Variants in UGT2A1 observed in about 807,000 individuals in gnomAD.
UGT2A1 encodes the protein UDP-glucuronosyltransferase 2A1.
UGT2A1 carries 61 observed loss-of-function variants against 45.4 expected under a neutral mutation model. That is an observed-to-expected ratio of 1.34 (90% CI 1.09 to 1.66). The LOEUF (loss-of-function observed/expected upper bound fraction) is 1.66, where lower values mean the gene tolerates loss of function less well. Among genes scored for constraint, UGT2A1 ranks in the 40% most tolerant of loss-of-function variants. The pLI, the probability that UGT2A1 is intolerant of heterozygous loss-of-function variation, is 0.00. For missense variants in UGT2A1, 649 were observed against 574.3 expected (o/e 1.13, Z -1.33); for synonymous variants, 229 against 196.2 (o/e 1.17, Z -1.40).
chr4:69,601,178 A>G (rs2109894521), intron 3 of UGT2A1, among the ~76,000 whole-genome samples: 1 of 152,244 alleles, frequency 6.6e-6, no homozygotes, highest in Non-Finnish European at 1.5e-5. Context: ...TCTTCTGTGC[A>G]GCAGAGGCGG....
At chr4:69,627,524 GAAAGAA>G (rs1306377299) in intron 3 of UGT2A1, among the ~76,000 whole-genome samples, 3 of 102,492 alleles carry the variant, frequency 2.9e-5, no homozygotes, top group Non-Finnish European at 6.3e-5. Flanking sequence ...AAAGAAAGAA[GAAAGAA>G]AGAAAGAGAG....
rs188504766 is a variant in UGT2A1 at position 69,652,667 on chromosome 4, T to G, written c.-55+521A>C. 4.4e-3 allele frequency among the ~76,000 whole-genome samples: 672 copies of G among 152,250 alleles called. 6 individuals are homozygous for G. The highest frequency in any genetic ancestry group is 0.016 in the African/African-American group (646 of 41,556). ...GACTTATATTTAAAGTAAATAGATT[T>G]TAAAATAAATATTTAAAAATCCATT... is the stretch of plus-strand genomic sequence containing the variant. On this transcript the variant is annotated intron_variant, in intron 1 of 6. Transcript: ENST00000286604.
At chr4:69,625,347 G>A (rs1417408201) in intron 3 of UGT2A1, among the ~76,000 whole-genome samples, 1 of 150,652 alleles carries the variant, frequency 6.6e-6, no homozygotes, top group Non-Finnish European at 1.5e-5. Context: ...TGAAAAATTT[G>A]GGGCCATTAT....
intron 6 of UGT2A1, among the ~76,000 whole-genome samples, chr4:69,590,408 T>G (rs1421021385): frequency 6.6e-6 from 1 of 152,226 alleles, no homozygotes; most frequent in Non-Finnish European, 1.5e-5. Flanking sequence ...TGTCTTCACT[T>G]GCAGTTTCCC....
At chr4:69,590,428 A>C (rs1718521564) in intron 6 of UGT2A1, among the ~76,000 whole-genome samples, 1 of 152,212 alleles carries the variant, frequency 6.6e-6, no homozygotes, top group African/African-American at 2.4e-5. Flanking sequence ...CTAGTTGTTA[A>C]ACCAAAATTA....
At chr4:69,597,597 G>T (rs1719005240) in intron 4 of UGT2A1, among the ~76,000 whole-genome samples, 1 of 152,148 alleles carries the variant, frequency 6.6e-6, no homozygotes, top group Non-Finnish European at 1.5e-5. Flanking sequence ...GATATCTTAA[G>T]TGAAAATAGA....
In UGT2A1 at chr4:69,599,381, C is replaced by T. The variant is rs141938191; in HGVS notation, c.861G>A (p.Thr287=). ...DYRLPAGRPT[T]LCETMGKAEI... ...CAGCTTTCCCCATAGTCTCACATAACGTAGTGGGTCTTCCTGGAGAAAATG... is the reference window on the plus strand; with the variant it reads ...CAGCTTTCCCCATAGTCTCACATAATGTAGTGGGTCTTCCTGGAGAAAATG... The change falls in exon 4 of 7, where the codon ACG becomes ACA. Residue 287 remains threonine, a synonymous_variant. Transcript: ENST00000286604. 100 of 1,613,044 alleles carry T rather than the reference C, an allele frequency of 6.2e-5. 1 individual carries two copies. The highest frequency in any genetic ancestry group is 5.2e-4 in the South Asian group (47 of 90,934).
At chr4:69,637,209 A>G (rs1721761220) in intron 2 of UGT2A1, among the ~76,000 whole-genome samples, 1 of 152,188 alleles carries the variant, frequency 6.6e-6, no homozygotes, top group East Asian at 1.9e-4. Context: ...TTAAAAATAC[A>G]GAACTATACT....
chr4:69,620,469 G>A (rs972192783), intron 3 of UGT2A1, among the ~76,000 whole-genome samples: 3 of 148,540 alleles, frequency 2.0e-5, no homozygotes, highest in African/African-American at 7.5e-5. Context: ...ACTGCTCAAA[G>A]AAATCAGAGA....
chr4:69,615,828 G>C (rs985040), intron 3 of UGT2A1, among the ~76,000 whole-genome samples: 2 of 151,828 alleles, frequency 1.3e-5, no homozygotes, highest in Non-Finnish European at 2.9e-5. Context: ...AATTGGTGCA[G>C]CCACTATGGA....
At chr4:69,603,774 A>C (rs1452921376) in intron 3 of UGT2A1, among the ~76,000 whole-genome samples, 1 of 137,368 alleles carries the variant, frequency 7.3e-6, no homozygotes, top group Non-Finnish European at 1.6e-5. Flanking sequence ...ACAAATGCAC[A>C]AGCCTCAGTA....
At chr4:69,617,716 T>C (rs1210893683) in intron 3 of UGT2A1, among the ~76,000 whole-genome samples, 4 of 151,780 alleles carry the variant, frequency 2.6e-5, no homozygotes, top group Admixed American at 2.6e-4. Context: ...AAATTATTAT[T>C]CATTATTGGG....
chr4:69,614,952 C>A (rs1720289439), intron 3 of UGT2A1, among the ~76,000 whole-genome samples: 1 of 152,022 alleles, frequency 6.6e-6, no homozygotes, highest in South Asian at 2.1e-4. Flanking sequence ...GCAAGCACAT[C>A]TTCACATGGT....
chr4:69,597,632 T>C (rs189010004), intron 4 of UGT2A1, among the ~76,000 whole-genome samples: 196 of 152,302 alleles, frequency 1.3e-3, no homozygotes, highest in Non-Finnish European at 2.1e-3. Context: ...TTAGTTAATG[T>C]CAGGAGAATA....
intron 1 of UGT2A1, among the ~76,000 whole-genome samples, chr4:69,649,411 C>A (rs1315495047): frequency 6.6e-6 from 1 of 152,024 alleles, no homozygotes; most frequent in Non-Finnish European, 1.5e-5. Flanking sequence ...TGTCATGATT[C>A]ACTAGGATGT....
chr4:69,600,019 G>T (rs10033879), intron 3 of UGT2A1, among the ~76,000 whole-genome samples: 62,183 of 151,936 alleles, frequency 0.41, 12,933 homozygotes, highest in East Asian at 0.56. Context: ...CTGTGAATTT[G>T]TTTACAAGAA....
At chr4:69,609,689 TATACC>T (rs1308459126) in intron 3 of UGT2A1, among the ~76,000 whole-genome samples, 1 of 55,822 alleles carries the variant, frequency 1.8e-5, no homozygotes, top group Non-Finnish European at 3.9e-5. Flanking sequence ...TACCCACACC[TATACC>T]TATACCTATA....
rs115844096 is a variant in UGT2A1 at position 69,652,767 on chromosome 4, A to G, written c.-55+421T>C. On this transcript the variant is annotated intron_variant, in intron 1 of 6. Transcript: ENST00000286604. ...CTCTCATTCATGTGTTGTCTTAAGG[A>G]CCACAGTGGTCACTTGTGTACATTA... Among the ~76,000 whole-genome samples the G allele has an allele frequency of 5.6e-3, 846 of 152,308 alleles. 13 individuals carry two copies. The highest frequency in any genetic ancestry group is 0.019 in the African/African-American group (806 of 41,566).
At position 69,595,222 on chromosome 4, in the gene UGT2A1, G is replaced by T. The variant is rs142656113; in HGVS notation, c.1024C>A (p.Pro342Thr). Residue 342 changes from proline (P) to threonine (T), a missense_variant, in exon 5 of 7, where the codon CCA becomes ACA. By Grantham distance (38) the Pro-to-Thr change is conservative. Transcript: ENST00000286604. ...KVLWRYKGKK[P>T]ATLGNNTQLF... is the part of the protein sequence containing the mutation. ...TGAGTATTGTTTCCTAATGTGGCTG[G>T]TTTCTTTCCTTTGTATCTCCATAAA... 490 of 1,613,720 alleles carry T rather than the reference G, an allele frequency of 3.0e-4. No homozygotes were observed. The highest frequency in any genetic ancestry group is 4.0e-4 in the Admixed American group (24 of 60,004).
Sources: gnomAD v4.1 joint callset for allele counts (sites outside exome capture counted in the v4.1 genomes callset) on GRCh38, gnomAD v4.1.1 for gene constraint, MANE v1.5 for transcripts, NCBI Gene and HGNC (gene_info 2026-07-23, HGNC 2026-07-21) for gene names.